LARP1B: variants seen among roughly 807,000 people sequenced by gnomAD.
The protein encoded by LARP1B is la-related protein 1B.
A neutral mutation model predicts 114.2 loss-of-function variants in LARP1B; 76 were observed. That is an observed-to-expected ratio of 0.67 (90% CI 0.55 to 0.81). LARP1B has a LOEUF of 0.81. Ranked by LOEUF, LARP1B falls within the 30% of genes least tolerant of loss-of-function variation. The probability of loss-of-function intolerance (pLI) is 0.00; values close to 1 mark genes in which losing one functional copy is unlikely to be tolerated. For missense variants in LARP1B, 1,014 were observed against 1,075.8 expected, an observed-to-expected ratio of 0.94 and a Z score of 0.80; for synonymous variants, 345 against 348.0, an observed-to-expected ratio of 0.99 and a Z score of 0.10.
chr4:128,119,224 T>C (rs1349092315), intron 10 of LARP1B, among the ~76,000 whole-genome samples: 4 of 152,230 alleles, frequency 2.6e-5, no homozygotes, highest in Admixed American at 2.0e-4. Flanking sequence ...CCTATGGACT[T>C]GGACACCTAG....
At chr4:128,159,867 A>G (rs932420256) in intron 11 of LARP1B, among the ~76,000 whole-genome samples, 2 of 152,236 alleles carry the variant, frequency 1.3e-5, no homozygotes, top group Non-Finnish European at 2.9e-5. Context: ...GTAAATATCC[A>G]ACAAAAATTT....
At chr4:128,174,193 A>G (rs527737796) in intron 12 of LARP1B, among the ~76,000 whole-genome samples, 4 of 152,072 alleles carry the variant, frequency 2.6e-5, no homozygotes, top group Non-Finnish European at 5.9e-5. Flanking sequence ...AGTTTTGGCT[A>G]TTATGAAAAA....
chr4:128,155,934 C>T, intron 11 of LARP1B: 1 of 1,537,194 alleles, frequency 6.5e-7, no homozygotes, highest in Non-Finnish European at 9.0e-7. Context: ...AGGAGGGGTA[C>T]ACAGGCGGTA....
intron 12 of LARP1B, among the ~76,000 whole-genome samples, chr4:128,175,244 T>C (rs1745404815): frequency 6.6e-6 from 1 of 152,132 alleles, no homozygotes; most frequent in Non-Finnish European, 1.5e-5. Flanking sequence ...CATGGTTTTT[T>C]TCCTAGTAGC....
intron 5 of LARP1B, among the ~76,000 whole-genome samples, chr4:128,087,435 G>C (rs1297303830): frequency 2.0e-5 from 3 of 151,942 alleles, no homozygotes. Flanking sequence ...AATGTATTTT[G>C]ATTAAAAAAA....
At chr4:128,080,968 G>A (rs1042410376) in intron 4 of LARP1B, among the ~76,000 whole-genome samples, 9 of 151,030 alleles carry the variant, frequency 6.0e-5, no homozygotes, top group African/African-American at 1.9e-4. Flanking sequence ...ACATTATAGC[G>A]TTTTATCAGA....
chr4:128,181,180 CT>C (rs70966086), intron 15 of LARP1B, among the ~76,000 whole-genome samples: 62,643 of 129,684 alleles, frequency 0.48, 10,863 homozygotes, highest in Middle Eastern at 0.7. Flanking sequence ...CTCATCCATT[CT>C]TTTTTTTTTT....
chr4:128,121,015 T>C (rs183468114), intron 10 of LARP1B, among the ~76,000 whole-genome samples: 2 of 151,904 alleles, frequency 1.3e-5, no homozygotes, highest in African/African-American at 4.8e-5. Flanking sequence ...TTCACCATGT[T>C]GGCCAGGCTG....
Position 128,070,106 on chromosome 4 carries a change from C to G in LARP1B, c.-77-4354C>G, listed in dbSNP as rs564350109. Reference sequence around the variant, plus strand: ...GGCTGAGGTGGGCGGATCATGAGGTCGGGAAATCGAGACCATCCTGTCTAA... The same window carrying G: ...GGCTGAGGTGGGCGGATCATGAGGTGGGGAAATCGAGACCATCCTGTCTAA... On this transcript the variant is annotated intron_variant, in intron 1 of 19. Coordinates refer to ENST00000326639, the MANE Select transcript of LARP1B (RefSeq NM_018078.4). Among the ~76,000 whole-genome samples, 21 of 152,024 alleles carry G rather than the reference C, an allele frequency of 1.4e-4. No individual in the cohort carries two copies. In the South Asian group the frequency reaches 3.3e-3, roughly 24 times the overall value.
intron 11 of LARP1B, chr4:128,122,453 T>G (rs1561312084): frequency 4.0e-6 from 6 of 1,506,450 alleles, no homozygotes; most frequent in Non-Finnish European, 4.4e-6. Context: ...TTTTTTTTTT[T>G]GTTTTGTTTT....
At chr4:128,193,724 C>G (rs1753054039) in intron 15 of LARP1B, among the ~76,000 whole-genome samples, 1 of 152,086 alleles carries the variant, frequency 6.6e-6, no homozygotes, top group Admixed American at 6.5e-5. Flanking sequence ...TCAAACGATT[C>G]TCCTGCCTCA....
chr4:128,155,423 C>G (rs1337577912), intron 11 of LARP1B: 1 of 671,646 alleles, frequency 1.5e-6, no homozygotes, highest in Non-Finnish European at 2.7e-6. Flanking sequence ...GGCCCGAGCT[C>G]CGGGAATGGC....
At chr4:128,159,946 A>G (rs1737666613) in intron 11 of LARP1B, among the ~76,000 whole-genome samples, 1 of 152,244 alleles carries the variant, frequency 6.6e-6, no homozygotes, top group East Asian at 1.9e-4. Context: ...AATAGCTATA[A>G]TCTGAGAAAG....
At chr4:128,181,986 A>AC (rs1554056933) in intron 15 of LARP1B, among the ~76,000 whole-genome samples, 2 of 138,198 alleles carry the variant, frequency 1.4e-5, no homozygotes, top group Non-Finnish European at 3.1e-5. Context: ...TTTTTTTTGT[A>AC]TTTTTTTAGT....
chr4:128,207,135 C>T, intron 18 of LARP1B, 121 bp from the exon 19 acceptor site: 1 of 467,306 alleles, frequency 2.1e-6, no homozygotes. Flanking sequence ...GTCTTATTCT[C>T]AAGATCTAGA....
chr4:128,207,193 T>A, intron 18 of LARP1B, 63 bp from the exon 19 acceptor site: 1 of 735,524 alleles, frequency 1.4e-6, no homozygotes, highest in Non-Finnish European at 1.9e-6. Flanking sequence ...TAGGATTATA[T>A]TTAATGTGAA....
rs116134406 is a variant in LARP1B at position 128,157,152 on chromosome 4, T to A, written c.1525-5042T>A. On this transcript the variant is annotated intron_variant, in intron 11 of 19. Coordinates refer to ENST00000326639, the MANE Select transcript of LARP1B (RefSeq NM_018078.4). The stretch of plus-strand genomic sequence containing the variant: ...TTTTAATAAGTTAAAAAATAAAAGA[T>A]AAGATGGAGAATTTCAGTATAGAGC... Among the ~76,000 whole-genome samples the A allele has an allele frequency of 5.5e-3, 833 of 152,170 alleles. 9 individuals are homozygous for A. The highest frequency in any genetic ancestry group is 0.019 in the African/African-American group (791 of 41,546).
At chr4:128,220,977 A>G (rs1759978187) in intron 7 of LARP1B, among the ~76,000 whole-genome samples, 1 of 152,234 alleles carries the variant, frequency 6.6e-6, no homozygotes. Flanking sequence ...TTGTTCTTTA[A>G]CAGCGTGAAA....
intron 15 of LARP1B, among the ~76,000 whole-genome samples, chr4:128,189,766 T>C (rs1751623338): frequency 6.6e-6 from 1 of 152,174 alleles, no homozygotes; most frequent in South Asian, 2.1e-4. Context: ...ATATGACAAC[T>C]TAACTTTGAT....
Sources: allele counts gnomAD v4.1 joint callset (sites outside exome capture counted in the v4.1 genomes callset), GRCh38; gene constraint gnomAD v4.1.1; transcripts MANE v1.5; gene names NCBI Gene and HGNC (gene_info 2026-07-23, HGNC 2026-07-21).